Variants in CNTNAP5 observed in about 807,000 individuals in gnomAD.
CNTNAP5 encodes contactin associated protein family member 5.
Under a neutral mutation model 150.2 loss-of-function variants are expected in CNTNAP5, and 72 were observed. The ratio of observed to expected loss-of-function variants is 0.48; its 90% CI spans 0.40 to 0.58. The LOEUF (loss-of-function observed/expected upper bound fraction) is 0.58, where lower values mean the gene tolerates loss of function less well. CNTNAP5 is among the 20% of genes least tolerant of loss of function. The probability of loss-of-function intolerance (pLI) is 0.00; values close to 1 mark genes in which losing one functional copy is unlikely to be tolerated. For missense variants in CNTNAP5, 1,636 were observed against 1,626.2 expected (o/e 1.01, Z -0.10); for synonymous variants, 672 against 619.8 (o/e 1.08, Z -1.25).
intron 1 of CNTNAP5, among the ~76,000 whole-genome samples, chr2:124,154,402 T>C (rs1250402930): frequency 6.6e-6 from 1 of 151,740 alleles, no homozygotes; most frequent in African/African-American, 2.4e-5. Context: ...CTGATGGGGG[T>C]GAGGAGAGGT....
At chr2:124,643,325 A>T (rs1430469456) in intron 12 of CNTNAP5, among the ~76,000 whole-genome samples, 1 of 152,216 alleles carries the variant, frequency 6.6e-6, no homozygotes, top group Non-Finnish European at 1.5e-5. Context: ...AGTAGAAGTA[A>T]TGAAAGAGAA....
intron 1 of CNTNAP5, among the ~76,000 whole-genome samples, chr2:124,204,945 A>T (rs1366612480): frequency 6.6e-6 from 1 of 152,116 alleles, no homozygotes; most frequent in African/African-American, 2.4e-5. Context: ...GCCAAAGTAA[A>T]CTGCTACTGA....
At chr2:124,775,573 G>A (rs1026470504) in intron 17 of CNTNAP5, among the ~76,000 whole-genome samples, 13 of 152,148 alleles carry the variant, frequency 8.5e-5, no homozygotes, top group Non-Finnish European at 1.5e-4. Flanking sequence ...AATAGGCTGC[G>A]TTTTTACAAT....
intron 3 of CNTNAP5, among the ~76,000 whole-genome samples, chr2:124,252,628 G>A (rs1005198807): frequency 1.3e-5 from 2 of 152,080 alleles, no homozygotes; most frequent in African/African-American, 4.8e-5. Context: ...TTCTCTTCTT[G>A]AAATACATTT....
At chr2:124,342,599 A>G (rs1689644433) in intron 3 of CNTNAP5, among the ~76,000 whole-genome samples, 1 of 152,204 alleles carries the variant, frequency 6.6e-6, no homozygotes, top group Non-Finnish European at 1.5e-5. Flanking sequence ...TTAGAAGAAG[A>G]ATAAATTCGT....
rs1558743105 is a variant in CNTNAP5 at position 124,706,837 on chromosome 2, G to GAA, written c.2078-40392_2078-40391insAA. ...GGAGGAGGAGGAGGAAGAGGAGGAGGGGGAGGAAGGAGGAGGAGGAGAAGG... is the reference window on the plus strand; with the variant it reads ...GGAGGAGGAGGAGGAAGAGGAGGAGGAAGGGAGGAAGGAGGAGGAGGAGAAGG... On this transcript the variant is annotated intron_variant, in intron 13 of 23. Coordinates refer to ENST00000682447, the MANE Select transcript of CNTNAP5 (RefSeq NM_001367498.1). 5.8e-3 allele frequency among the ~76,000 whole-genome samples: 43 copies of GAA among 7,392 alleles called. 4 individuals carry two copies. Among genetic ancestry groups the GAA allele is most frequent in the Non-Finnish European group, 0.013 (35 of 2,726 alleles). The allele number at this position is 7,392 out of a possible 152,430, so 4.8% of individuals were successfully genotyped here.
chr2:124,097,919 T>C (rs1254265494), intron 1 of CNTNAP5, among the ~76,000 whole-genome samples: 1 of 152,136 alleles, frequency 6.6e-6, no homozygotes, highest in Admixed American at 6.5e-5. Context: ...TCCCAGCTAC[T>C]TGGGAGGCTG....
chr2:124,110,287 T>C (rs12614779), intron 1 of CNTNAP5, among the ~76,000 whole-genome samples: 13,568 of 152,158 alleles, frequency 0.089, 748 homozygotes, highest in East Asian at 0.31. Flanking sequence ...GGGAAGTATA[T>C]ACAAAGATAA....
At chr2:124,461,086 A>C (rs1693237368) in intron 6 of CNTNAP5, among the ~76,000 whole-genome samples, 1 of 152,074 alleles carries the variant, frequency 6.6e-6, no homozygotes, top group African/African-American at 2.4e-5. Flanking sequence ...GTGGGACTGT[A>C]AACTAGTTCA....
intron 10 of CNTNAP5, among the ~76,000 whole-genome samples, chr2:124,537,037 T>TGTGTGA (rs763560577): frequency 2.0e-5 from 3 of 150,544 alleles, no homozygotes; most frequent in African/African-American, 7.3e-5. Flanking sequence ...TGTGTGTGTG[T>TGTGTGA]GAGAGAGAGA....
At chr2:124,753,940 G>A (rs969738313) in intron 14 of CNTNAP5, among the ~76,000 whole-genome samples, 1 of 152,154 alleles carries the variant, frequency 6.6e-6, no homozygotes, top group African/African-American at 2.4e-5. Flanking sequence ...ATAAGCTTTT[G>A]TTTTGGTGAA....
At position 124,609,929 on chromosome 2, in the gene CNTNAP5, G is replaced by T. The variant is rs760869174; in HGVS notation, c.1876+9G>T. 9.3e-6 allele frequency: 15 copies of T among 1,610,354 alleles called. 1 individual carries two copies. The East Asian group carries it at 3.1e-4, about 34-fold the overall frequency. On this transcript the variant is annotated intron_variant, in intron 12 of 23. Coordinates refer to ENST00000682447, the MANE Select transcript of CNTNAP5 (RefSeq NM_001367498.1). ...GTACTGCAATATCACTGGTAAGGGTGCAGTAGCCCTACTCACACTTAACCA... is the reference window on the plus strand; with the variant it reads ...GTACTGCAATATCACTGGTAAGGGTTCAGTAGCCCTACTCACACTTAACCA...
At chr2:124,103,607 G>A (rs1683110430) in intron 1 of CNTNAP5, among the ~76,000 whole-genome samples, 1 of 151,968 alleles carries the variant, frequency 6.6e-6, no homozygotes, top group South Asian at 2.1e-4. Flanking sequence ...ATAGTATTCA[G>A]TCCAGCAACA....
At chr2:124,251,611 A>C (rs912238521) in intron 3 of CNTNAP5, among the ~76,000 whole-genome samples, 4 of 152,032 alleles carry the variant, frequency 2.6e-5, no homozygotes, top group Admixed American at 1.3e-4. Context: ...GCAGGTACTA[A>C]ATTAAGGAGG....
chr2:124,873,087 G>A (rs534379292), intron 21 of CNTNAP5, among the ~76,000 whole-genome samples: 2 of 152,202 alleles, frequency 1.3e-5, no homozygotes, highest in South Asian at 4.2e-4. Context: ...TCTACAAGCT[G>A]TATAAGAAGG....
chr2:124,615,017 TA>T (rs1341065419), intron 12 of CNTNAP5, among the ~76,000 whole-genome samples: 1 of 151,964 alleles, frequency 6.6e-6, no homozygotes, highest in Non-Finnish European at 1.5e-5. Context: ...ATGTCTTAAT[TA>T]AAAAAATACT....
intron 1 of CNTNAP5, among the ~76,000 whole-genome samples, chr2:124,123,221 AG>A (rs1382358631): frequency 6.6e-6 from 1 of 152,138 alleles, no homozygotes; most frequent in Admixed American, 6.5e-5. Context: ...ACATTTCCAA[AG>A]GTCTTAGCAA....
At chr2:124,083,015 T>C (rs1682594207) in intron 1 of CNTNAP5, among the ~76,000 whole-genome samples, 1 of 152,208 alleles carries the variant, frequency 6.6e-6, no homozygotes, top group African/African-American at 2.4e-5. Flanking sequence ...TTAAGAGTTA[T>C]ATATACTGGA....
chr2:124,294,125 C>G (rs1688365537), intron 3 of CNTNAP5, among the ~76,000 whole-genome samples: 1 of 113,144 alleles, frequency 8.8e-6, no homozygotes, highest in Admixed American at 9.9e-5. Context: ...CATGGAAGCT[C>G]TGATTGCATT....
Sources: gnomAD v4.1 joint callset for allele counts (sites outside exome capture counted in the v4.1 genomes callset) on GRCh38, gnomAD v4.1.1 for gene constraint, MANE v1.5 for transcripts, NCBI Gene and HGNC (gene_info 2026-07-23, HGNC 2026-07-21) for gene names.